The following LGMN variants were observed in gnomAD, a reference collection of about 807,000 sequenced individuals.
LGMN encodes legumain.
LGMN carries 36 observed loss-of-function variants against 56.8 expected under a neutral mutation model. The ratio of observed to expected loss-of-function variants is 0.63; its 90% CI spans 0.49 to 0.84. LGMN has a LOEUF of 0.84. LGMN is among the 40% of genes least tolerant of loss of function. LGMN has a pLI of 0.00. For missense variants in LGMN, 446 were observed against 556.1 expected, an observed-to-expected ratio of 0.80 and a Z score of 1.99; for synonymous variants, 199 against 210.1, an observed-to-expected ratio of 0.95 and a Z score of 0.46.
rs556560433 is a variant in LGMN, at chr14:92,747,860, C to T, written c.-30+629G>A. Among the ~76,000 whole-genome samples, 22 of 152,256 alleles carry T rather than the reference C, an allele frequency of 1.4e-4. No homozygotes were observed. The South Asian group carries it at 4.4e-3, about 30-fold the overall frequency. On this transcript the variant is annotated intron_variant, in intron 1 of 13. Coordinates refer to ENST00000334869, the MANE Select transcript of LGMN (RefSeq NM_005606.7). ...CTTCCAGCCCCCAGATACTATAATG[C>T]TTGGCATAGAACACTCCACGTAGGT...
chr14:92,728,487 A>T (rs778074580), intron 2 of LGMN, among the ~76,000 whole-genome samples: 1 of 152,230 alleles, frequency 6.6e-6, no homozygotes, highest in Non-Finnish European at 1.5e-5. Flanking sequence ...GTATCTAAAC[A>T]TAGGAAAAGT....
chr14:92,740,570 G>C (rs1029390917), intron 1 of LGMN, among the ~76,000 whole-genome samples: 1 of 152,146 alleles, frequency 6.6e-6, no homozygotes, highest in Admixed American at 6.5e-5. Context: ...TGAAAGTCTG[G>C]GAGGCCCCGG....
chr14:92,735,587 A>G (rs899420754), intron 1 of LGMN, among the ~76,000 whole-genome samples: 2 of 152,190 alleles, frequency 1.3e-5, no homozygotes, highest in Non-Finnish European at 2.9e-5. Flanking sequence ...GAACTGCATT[A>G]AATCCCCCAG....
At chr14:92,710,215 C>T (rs965533271) in intron 10 of LGMN, among the ~76,000 whole-genome samples, 1 of 152,250 alleles carries the variant, frequency 6.6e-6, no homozygotes, top group African/African-American at 2.4e-5. Context: ...CTGACTGCAT[C>T]AGCAGTGCCC....
chr14:92,727,429 CAAAAAA>C (rs35889328), intron 2 of LGMN, among the ~76,000 whole-genome samples: 1 of 47,990 alleles, frequency 2.1e-5, no homozygotes, highest in African/African-American at 8.4e-5. Flanking sequence ...GACTGCCTCA[CAAAAAA>C]AAAAAAAAAA....
intron 1 of LGMN, among the ~76,000 whole-genome samples, chr14:92,744,419 G>A (rs1891722164): frequency 2.6e-5 from 4 of 152,114 alleles, no homozygotes; most frequent in Admixed American, 2.6e-4. Flanking sequence ...TCTGTAGAGA[G>A]GCCAGTTTTG....
At chr14:92,735,264 T>A (rs1157322629) in intron 1 of LGMN, among the ~76,000 whole-genome samples, 1 of 152,126 alleles carries the variant, frequency 6.6e-6, no homozygotes, top group Non-Finnish European at 1.5e-5. Context: ...TGGAGTGCAC[T>A]GGGGCAATCT....
chr14:92,738,281 T>C (rs936711570), intron 1 of LGMN, among the ~76,000 whole-genome samples: 4 of 151,678 alleles, frequency 2.6e-5, no homozygotes, highest in African/African-American at 9.7e-5. Flanking sequence ...ATTTTCTTTT[T>C]CTTTTTTTTT....
intron 1 of LGMN, among the ~76,000 whole-genome samples, chr14:92,747,701 C>T (rs992130517): frequency 1.3e-5 from 2 of 152,116 alleles, no homozygotes; most frequent in Admixed American, 6.6e-5. Context: ...TAGTAAGGCT[C>T]GAAAATGTTT....
chr14:92,746,363 T>TA (rs146042349), intron 1 of LGMN, among the ~76,000 whole-genome samples: 2,419 of 151,330 alleles, frequency 0.016, 53 homozygotes, highest in African/African-American at 0.052. Context: ...CTTGTGCAGT[T>TA]AAAAAAAAAG....
intron 1 of LGMN, among the ~76,000 whole-genome samples, chr14:92,740,681 AC>A (rs1175316359): frequency 5.9e-5 from 9 of 152,214 alleles, no homozygotes; most frequent in African/African-American, 1.9e-4. Context: ...TTCGTGCCCT[AC>A]TATTTTAAGG....
chr14:92,706,495 C>T lies in LGMN; in HGVS notation c.1179G>A (p.Trp393Ter), dbSNP rs1420810738. 2 of 1,550,406 alleles carry T rather than the reference C, an allele frequency of 1.3e-6. No individual in the cohort carries two copies. Among genetic ancestry groups the T allele is most frequent in the South Asian group, 1.2e-5 (1 of 85,744 alleles). ...CCTGCTGGCTCACCGTGGGGGAGTG[C>T]CAGTTGAAGCAGTGGGTCCGGAAGT... ...LLHFRTHCFN[W>*]HSPTYEYALR... is the part of the protein sequence containing the mutation. Residue 393 changes from tryptophan to a stop codon, truncating the protein, a stop_gained, in exon 12 of 14, where the codon TGG becomes TGA. Transcript: ENST00000334869. LOFTEE classifies it high-confidence loss of function.
chr14:92,726,812 C>G (rs1890763832), intron 2 of LGMN, among the ~76,000 whole-genome samples: 1 of 152,132 alleles, frequency 6.6e-6, no homozygotes, highest in African/African-American at 2.4e-5. Context: ...GATGACCTAC[C>G]CAGCTCCAAG....
intron 2 of LGMN, among the ~76,000 whole-genome samples, chr14:92,728,088 T>A (rs1399788090): frequency 6.6e-6 from 1 of 152,206 alleles, no homozygotes; most frequent in Non-Finnish European, 1.5e-5. Context: ...TGTCGTTTTG[T>A]GAGTATCATA....
At chr14:92,737,776 T>C (rs1452183323) in intron 1 of LGMN, among the ~76,000 whole-genome samples, 1 of 152,210 alleles carries the variant, frequency 6.6e-6, no homozygotes, top group East Asian at 1.9e-4. Flanking sequence ...CCAGAGACAA[T>C]ATATAAACAA....
chr14:92,730,221 G>A (rs541258839), intron 2 of LGMN, among the ~76,000 whole-genome samples: 17 of 152,110 alleles, frequency 1.1e-4, no homozygotes, highest in African/African-American at 3.4e-4. Context: ...TCTTTACATG[G>A]GTCAGGTCTG....
chr14:92,740,381 A>G (rs746504009), intron 1 of LGMN, among the ~76,000 whole-genome samples: 2 of 152,216 alleles, frequency 1.3e-5, no homozygotes, highest in Non-Finnish European at 2.9e-5. Context: ...CCATCCTCAC[A>G]ACAGTTCTCT....
At chr14:92,717,579 C>T (rs4900142) in intron 3 of LGMN, 118 bp from the exon 4 acceptor site, 102 of 727,224 alleles carry the variant, frequency 1.4e-4, no homozygotes, top group Middle Eastern at 9.8e-4. Flanking sequence ...AAAGAAACAA[C>T]TTATGGCCTG....
chr14:92,711,860 T>A lies in LGMN; in HGVS notation c.706A>T (p.Asn236Tyr). The A allele has an allele frequency of 6.2e-7, 1 of 1,613,792 alleles. No individual in the cohort carries two copies. Among genetic ancestry groups the A allele is most frequent in the Non-Finnish European group, 8.5e-7 (1 of 1,179,646 alleles). ...ACCACGTCCGAATCTTCCATCCAGT[T>A]GACGCTGTACCAGTCCCCCAGGTAC... ...STYLGDWYSV[N>Y]WMEDSDVEDL... Residue 236 changes from asparagine to tyrosine, a missense_variant, in exon 9 of 14, where the codon AAC becomes TAC. By Grantham distance (143) the Asn-to-Tyr change is moderately radical (BLOSUM62 -2). Coordinates refer to ENST00000334869, the MANE Select transcript of LGMN (RefSeq NM_005606.7).
Sources: allele counts gnomAD v4.1 joint callset (sites outside exome capture counted in the v4.1 genomes callset), GRCh38; gene constraint gnomAD v4.1.1; transcripts MANE v1.5; gene names NCBI Gene and HGNC (gene_info 2026-07-23, HGNC 2026-07-21).